OR1J2: variants seen among roughly 807,000 people sequenced by gnomAD.
OR1J2 encodes olfactory receptor 1J2.
For synonymous variants in OR1J2, 142 were observed against 99.7 expected (o/e 1.42, Z -2.52); for missense variants, 304 against 246.1 (o/e 1.24, Z -1.57).
chr9:122,502,422 C>T, the OR1J2 span, among the ~76,000 whole-genome samples: 1 of 152,222 alleles, frequency 6.6e-6, no homozygotes, highest in African/African-American at 2.4e-5. Context: ...CCTTGATTCC[C>T]CTTACTTTGT....
chr9:122,559,831 G>A, the OR1J2 span, among the ~76,000 whole-genome samples: 37,148 of 151,954 alleles, frequency 0.24, 4,894 homozygotes, highest in Middle Eastern at 0.34. Context: ...GAGTTCTGTC[G>A]ACGTTTATTA....
the OR1J2 span, among the ~76,000 whole-genome samples, chr9:122,531,255 GT>G: frequency 6.6e-6 from 1 of 152,096 alleles, no homozygotes; most frequent in African/African-American, 2.4e-5. Flanking sequence ...TTGGAAGGAG[GT>G]TCAGCATAGC....
the OR1J2 span, among the ~76,000 whole-genome samples, chr9:122,480,155 C>T: frequency 2.0e-5 from 3 of 151,766 alleles, no homozygotes; most frequent in Non-Finnish European, 4.4e-5. Context: ...CAGCTTGTTA[C>T]AAATAATAAA....
At chr9:122,502,994 C>G in the OR1J2 span, among the ~76,000 whole-genome samples, 3 of 152,168 alleles carry the variant, frequency 2.0e-5, no homozygotes, top group Non-Finnish European at 4.4e-5. Context: ...GAATAGTATT[C>G]CAACCCTCCA....
chr9:122,532,899 C>T, the OR1J2 span, among the ~76,000 whole-genome samples: 1 of 152,030 alleles, frequency 6.6e-6, no homozygotes, highest in African/African-American at 2.4e-5. Flanking sequence ...CGGACACGAT[C>T]AGCAGGGAGA....
the OR1J2 span, among the ~76,000 whole-genome samples, chr9:122,571,520 A>G: frequency 6.7e-6 from 1 of 148,338 alleles, no homozygotes; most frequent in Non-Finnish European, 1.5e-5. Context: ...ACTGCACTCC[A>G]GCCTGGCCAA....
the OR1J2 span, chr9:122,519,604 ATGCCCTG>A: frequency 6.2e-7 from 1 of 1,613,952 alleles, no homozygotes; most frequent in Non-Finnish European, 8.5e-7. Flanking sequence ...TCCTGTACCA[ATGCCCTG>A]TCTCACACTC....
At chr9:122,469,170 T>C in the OR1J2 span, among the ~76,000 whole-genome samples, 1 of 152,218 alleles carries the variant, frequency 6.6e-6, no homozygotes, top group Non-Finnish European at 1.5e-5. Flanking sequence ...AAAGACAATG[T>C]TTATGTAAGC....
chr9:122,485,710 G>T, the OR1J2 span, among the ~76,000 whole-genome samples: 1 of 152,208 alleles, frequency 6.6e-6, no homozygotes, highest in Admixed American at 6.5e-5. Context: ...TTTATTTGGG[G>T]ATCCAGGTTT....
chr9:122,465,291 A>G, the OR1J2 span, among the ~76,000 whole-genome samples: 1 of 152,212 alleles, frequency 6.6e-6, no homozygotes, highest in East Asian at 1.9e-4. Flanking sequence ...GGTGCCAGGC[A>G]CACTGTAAAA....
At chr9:122,533,156 G>A in the OR1J2 span, among the ~76,000 whole-genome samples, 1 of 152,098 alleles carries the variant, frequency 6.6e-6, no homozygotes, top group African/African-American at 2.4e-5. Flanking sequence ...GTAGAGGGAG[G>A]TATTGAGGAT....
At chr9:122,555,048 A>G in the OR1J2 span, among the ~76,000 whole-genome samples, 1 of 150,936 alleles carries the variant, frequency 6.6e-6, no homozygotes, top group East Asian at 2.1e-4. Flanking sequence ...ATGAAATTCT[A>G]GGTTATCAAT....
At chr9:122,526,902 G>A in the OR1J2 span, 9 of 1,614,186 alleles carry the variant, frequency 5.6e-6, no homozygotes, top group East Asian at 2.0e-4. Context: ...CATGACTGTG[G>A]AGTAGCAGAG....
chr9:122,551,816 GTCT>G, the OR1J2 span, among the ~76,000 whole-genome samples: 1 of 152,062 alleles, frequency 6.6e-6, no homozygotes, highest in Non-Finnish European at 1.5e-5. Flanking sequence ...AGATATTCCT[GTCT>G]TCTTATGCCC....
the OR1J2 span, among the ~76,000 whole-genome samples, chr9:122,473,191 TTTTAGTACAATCTGTAACAAA>T: frequency 0.022 from 3,284 of 152,310 alleles, 111 homozygotes; most frequent in African/African-American, 0.075. Context: ...TCTAGTTTTC[TTTTAGTACAATCTGTAACAAA>T]TTTAGTACAA....
At chr9:122,555,204 C>T in the OR1J2 span, among the ~76,000 whole-genome samples, 1 of 152,166 alleles carries the variant, frequency 6.6e-6, no homozygotes, top group Admixed American at 6.5e-5. Context: ...TCAAGTTCAT[C>T]CGGGGCCAAA....
the OR1J2 span, among the ~76,000 whole-genome samples, chr9:122,575,547 C>CTTAT: frequency 3.3e-5 from 5 of 152,078 alleles, no homozygotes; most frequent in East Asian, 9.7e-4. Context: ...GTGATGTTCC[C>CTTAT]TTATTTATTT....
the OR1J2 span, among the ~76,000 whole-genome samples, chr9:122,518,414 C>T: frequency 1.3e-5 from 2 of 152,328 alleles, no homozygotes; most frequent in South Asian, 4.1e-4. Context: ...GTTTCTGGTG[C>T]GGGTCCACTT....
chr9:122,524,034 C>T, the OR1J2 span, among the ~76,000 whole-genome samples: 1 of 152,088 alleles, frequency 6.6e-6, no homozygotes, highest in Non-Finnish European at 1.5e-5. Context: ...GAAATTTGAG[C>T]TTATGTTTTG....
Sources: allele counts gnomAD v4.1 joint callset (sites outside exome capture counted in the v4.1 genomes callset), GRCh38; gene constraint gnomAD v4.1.1; transcripts MANE v1.5; gene names NCBI Gene and HGNC (gene_info 2026-07-23, HGNC 2026-07-21).